The following MACROD2 variants were observed in gnomAD, a reference collection of about 807,000 sequenced individuals.
The protein encoded by MACROD2 is mono-ADP ribosylhydrolase 2, also known as ADP-ribose glycohydrolase MACROD2.
Under a neutral mutation model 70.4 loss-of-function variants are expected in MACROD2, and 36 were observed. The observed-to-expected ratio is 0.51, with a 90% CI of 0.39 to 0.68. The LOEUF (loss-of-function observed/expected upper bound fraction) is 0.68, where lower values mean the gene tolerates loss of function less well. Among genes scored for constraint, MACROD2 ranks in the 30% least tolerant of loss-of-function variants. The pLI, the probability that MACROD2 is intolerant of heterozygous loss-of-function variation, is 0.00. For synonymous variants in MACROD2, 172 were observed against 178.8 expected (o/e 0.96, Z 0.30); for missense variants, 496 against 538.4 (o/e 0.92, Z 0.78).
intron 6 of MACROD2, among the ~76,000 whole-genome samples, chr20:15,279,811 G>C (rs752013369): frequency 6.6e-6 from 1 of 152,072 alleles, no homozygotes; most frequent in African/African-American, 2.4e-5. Flanking sequence ...GGGCTTTGTA[G>C]GTATCATCTT....
intron 2 of MACROD2, among the ~76,000 whole-genome samples, chr20:14,004,607 C>G (rs1050567963): frequency 2.6e-5 from 4 of 151,938 alleles, no homozygotes; most frequent in African/African-American, 9.7e-5. Flanking sequence ...CTATTCAGTG[C>G]TCAGTTATTA....
intron 5 of MACROD2, among the ~76,000 whole-genome samples, chr20:14,758,905 A>G (rs866907917): frequency 2.0e-5 from 3 of 152,218 alleles, no homozygotes; most frequent in Middle Eastern, 3.4e-3. Context: ...TCTAAGAACC[A>G]AATATGGGGG....
chr20:15,379,379 G>A (rs1389589362), intron 6 of MACROD2, among the ~76,000 whole-genome samples: 1 of 151,856 alleles, frequency 6.6e-6, no homozygotes, highest in African/African-American at 2.4e-5. Flanking sequence ...CACATAGTTT[G>A]ACCTAATATT....
At chr20:15,965,730 A>C (rs1375898442) in intron 12 of MACROD2, among the ~76,000 whole-genome samples, 1 of 151,928 alleles carries the variant, frequency 6.6e-6, no homozygotes, top group Non-Finnish European at 1.5e-5. Flanking sequence ...TTTTCAATTG[A>C]CATCTTAGCT....
chr20:14,196,692 A>C (rs2081435416), intron 3 of MACROD2, among the ~76,000 whole-genome samples: 1 of 152,234 alleles, frequency 6.6e-6, no homozygotes, highest in African/African-American at 2.4e-5. Flanking sequence ...TAGGCTTTGG[A>C]AATACGGCTC....
intron 3 of MACROD2, among the ~76,000 whole-genome samples, chr20:14,303,657 C>T (rs1227858439): frequency 6.6e-6 from 1 of 152,148 alleles, no homozygotes; most frequent in East Asian, 1.9e-4. Flanking sequence ...ACTTAATATG[C>T]ATCAGATTTG....
At chr20:14,693,306 T>C (rs1450517740) in intron 5 of MACROD2, among the ~76,000 whole-genome samples, 1 of 152,170 alleles carries the variant, frequency 6.6e-6, no homozygotes, top group East Asian at 1.9e-4. Flanking sequence ...TTGGAGGTGT[T>C]CTCATAAATT....
chr20:14,368,082 T>C (rs2083288737), intron 3 of MACROD2, among the ~76,000 whole-genome samples: 1 of 152,262 alleles, frequency 6.6e-6, no homozygotes, highest in Non-Finnish European at 1.5e-5. Context: ...TCTACTTGTT[T>C]ATACATCACA....
At chr20:14,869,546 G>T (rs888200945) in intron 5 of MACROD2, among the ~76,000 whole-genome samples, 1 of 152,122 alleles carries the variant, frequency 6.6e-6, no homozygotes, top group African/African-American at 2.4e-5. Flanking sequence ...CTGCACAGGA[G>T]CAATGGGTTG....
chr20:15,529,415 C>T (rs565322484), intron 8 of MACROD2, among the ~76,000 whole-genome samples: 2 of 151,714 alleles, frequency 1.3e-5, no homozygotes, highest in East Asian at 1.9e-4. Context: ...TGAACCTATA[C>T]TATATATATA....
intron 4 of MACROD2, among the ~76,000 whole-genome samples, chr20:14,522,448 C>T (rs1224990696): frequency 6.6e-6 from 1 of 152,188 alleles, no homozygotes; most frequent in Admixed American, 6.5e-5. Flanking sequence ...GGCAGTTCTT[C>T]CTCCGGGTTT....
intron 15 of MACROD2, among the ~76,000 whole-genome samples, chr20:16,020,733 C>A (rs1391555178): frequency 2.0e-5 from 3 of 151,864 alleles, no homozygotes; most frequent in African/African-American, 7.3e-5. Flanking sequence ...AACTTCACCA[C>A]TGACTAAAAG....
intron 7 of MACROD2, among the ~76,000 whole-genome samples, chr20:15,461,002 A>ATT (rs199589127): frequency 0.012 from 616 of 50,226 alleles, 27 homozygotes; most frequent in African/African-American, 0.037. Context: ...ATATATATAT[A>ATT]TATATTTTTT....
chr20:14,803,727 C>A (rs538177598), intron 5 of MACROD2, among the ~76,000 whole-genome samples: 4 of 152,010 alleles, frequency 2.6e-5, no homozygotes, highest in Non-Finnish European at 5.9e-5. Context: ...GCGATTCACC[C>A]ACCTTGGCCT....
At chr20:15,545,820 G>A (rs1349125483) in intron 8 of MACROD2, among the ~76,000 whole-genome samples, 1 of 152,166 alleles carries the variant, frequency 6.6e-6, no homozygotes, top group Non-Finnish European at 1.5e-5. Flanking sequence ...GCAAAAGAAT[G>A]CCTTCCATTT....
chr20:14,474,085 A>G lies in MACROD2; in HGVS notation c.272-19394A>G, dbSNP rs540012268. Among the ~76,000 whole-genome samples, 4 of 152,092 alleles carry G rather than the reference A, an allele frequency of 2.6e-5. No individual in the cohort carries two copies. In the South Asian group the frequency reaches 6.2e-4, roughly 24 times the overall value. ...TGGATATTAACCCCTTGTTAGATGC[A>G]TAGCTGGCAAATATTTTTTTTCCCA... On this transcript the variant is annotated intron_variant, in intron 3 of 17. Transcript: ENST00000684519.
At chr20:14,581,693 A>G (rs1336837950) in intron 4 of MACROD2, among the ~76,000 whole-genome samples, 2 of 152,164 alleles carry the variant, frequency 1.3e-5, no homozygotes, top group African/African-American at 2.4e-5. Context: ...GACATCTTTT[A>G]TGCTTTATTT....
intron 4 of MACROD2, among the ~76,000 whole-genome samples, chr20:14,536,626 G>GGTGTGTGTGTGTGT (rs11471542): frequency 4.3e-5 from 6 of 139,066 alleles, no homozygotes; most frequent in African/African-American, 1.3e-4. Flanking sequence ...AGGTAACATT[G>GGTGTGTGTGTGTGT]GTGTGTGTGT....
chr20:15,111,051 T>A (rs540621864), intron 5 of MACROD2, among the ~76,000 whole-genome samples: 1 of 152,288 alleles, frequency 6.6e-6, no homozygotes, highest in African/African-American at 2.4e-5. Context: ...AGCCACAGAG[T>A]ATTGAAATAA....
Sources: gnomAD v4.1 joint callset for allele counts (sites outside exome capture counted in the v4.1 genomes callset) on GRCh38, gnomAD v4.1.1 for gene constraint, MANE v1.5 for transcripts, NCBI Gene and HGNC (gene_info 2026-07-23, HGNC 2026-07-21) for gene names.